Variants in PIGU observed in about 807,000 individuals in gnomAD.
The protein encoded by PIGU is phosphatidylinositol glycan anchor biosynthesis class U, also known as GPI-anchor transamidase component PIGU.
A neutral mutation model predicts 49.9 loss-of-function variants in PIGU; 24 were observed. That is an observed-to-expected ratio of 0.48 (90% CI 0.35 to 0.68). PIGU has a LOEUF of 0.68. Among genes scored for constraint, PIGU ranks in the 30% least tolerant of loss-of-function variants. The pLI is 0.01. For synonymous variants in PIGU, 220 were observed against 205.7 expected, an observed-to-expected ratio of 1.07 and a Z score of -0.59; for missense variants, 490 against 532.6, an observed-to-expected ratio of 0.92 and a Z score of 0.79.
chr20:34,668,483 A>AAACCG (rs1412365978), intron 1 of PIGU, among the ~76,000 whole-genome samples: 1 of 88,714 alleles, frequency 1.1e-5, no homozygotes. Flanking sequence ...AAAAAAAAAA[A>AAACCG]GGGGGGGGCG....
At chr20:34,658,721 C>T (rs1472876424) in intron 1 of PIGU, among the ~76,000 whole-genome samples, 7 of 151,710 alleles carry the variant, frequency 4.6e-5, no homozygotes, top group Middle Eastern at 6.9e-3. Context: ...GCCTGACAAC[C>T]GCCCCGTCTG....
intron 6 of PIGU, among the ~76,000 whole-genome samples, chr20:34,630,350 A>G (rs1226022332): frequency 3.3e-5 from 5 of 152,146 alleles, no homozygotes; most frequent in Admixed American, 3.3e-4. Context: ...GACTGAAACC[A>G]GCCACCTTCC....
chr20:34,639,964 G>A (rs1433902227), intron 4 of PIGU, among the ~76,000 whole-genome samples: 1 of 152,224 alleles, frequency 6.6e-6, no homozygotes, highest in Non-Finnish European at 1.5e-5. Context: ...CAGGAAGGAG[G>A]CCTCACTAGC....
At chr20:34,568,754 G>C (rs148705651) in intron 11 of PIGU, among the ~76,000 whole-genome samples, 1 of 152,160 alleles carries the variant, frequency 6.6e-6, no homozygotes, top group East Asian at 1.9e-4. Flanking sequence ...GTCAGACCTC[G>C]GGCTTCAGGC....
At chr20:34,630,839 C>T (rs1336372875) in intron 6 of PIGU, among the ~76,000 whole-genome samples, 1 of 151,878 alleles carries the variant, frequency 6.6e-6, no homozygotes. Flanking sequence ...GAGACGAGGT[C>T]TCACTATGTT....
intron 7 of PIGU, among the ~76,000 whole-genome samples, chr20:34,614,658 A>G (rs949814058): frequency 6.6e-5 from 10 of 151,940 alleles, no homozygotes; most frequent in African/African-American, 2.2e-4. Flanking sequence ...TACGTTATTT[A>G]TATTAGTGAC....
intron 11 of PIGU, among the ~76,000 whole-genome samples, chr20:34,572,637 G>A (rs1044731374): frequency 1.3e-5 from 2 of 152,170 alleles, no homozygotes; most frequent in Non-Finnish European, 2.9e-5. Flanking sequence ...CTGGGTGACA[G>A]AGTGAGACTC....
intron 1 of PIGU, among the ~76,000 whole-genome samples, chr20:34,668,485 G>GT (rs1383786806): frequency 5.1e-5 from 5 of 98,798 alleles, no homozygotes; most frequent in South Asian, 5.7e-4. Context: ...AAAAAAAAAG[G>GT]GGGGGGCGGG....
intron 6 of PIGU, among the ~76,000 whole-genome samples, chr20:34,625,421 TAA>T (rs1985440888): frequency 7.4e-6 from 1 of 134,814 alleles, no homozygotes; most frequent in African/African-American, 2.7e-5. Context: ...GAAAAGGAAA[TAA>T]AACTCACCCA....
chr20:34,657,081 T>C (rs1986726414), intron 2 of PIGU, 99 bp downstream of exon 2: 3 of 941,274 alleles, frequency 3.2e-6, no homozygotes, highest in African/African-American at 3.3e-5. Context: ...TCGTCAAGAA[T>C]ACATCTTTTT....
chr20:34,662,069 C>T lies in PIGU; in HGVS notation c.131-4825G>A, dbSNP rs1986943315. Among the ~76,000 whole-genome samples, 3 of 151,754 alleles carry T rather than the reference C, an allele frequency of 2.0e-5. No homozygotes were observed. The South Asian group carries it at 6.2e-4, about 32-fold the overall frequency. ...GAGATGTGTCTGTTCATGTCCTGTG[C>T]CCCCCCGCCAACTGTTTTTCCAAGA... On this transcript the variant is annotated intron_variant, in intron 1 of 11. Coordinates refer to ENST00000217446, the MANE Select transcript of PIGU (RefSeq NM_080476.5).
At chr20:34,583,438 A>G (rs936655784) in intron 9 of PIGU, among the ~76,000 whole-genome samples, 4 of 152,134 alleles carry the variant, frequency 2.6e-5, no homozygotes, top group Non-Finnish European at 4.4e-5. Context: ...GGGGCAGGAG[A>G]GCTTAGGTAG....
chr20:34,619,874 T>G (rs148478802), intron 6 of PIGU, among the ~76,000 whole-genome samples: 1 of 152,322 alleles, frequency 6.6e-6, no homozygotes, highest in Non-Finnish European at 1.5e-5. Flanking sequence ...TGTCAGTAAC[T>G]GGCATCAACA....
At chr20:34,630,785 T>G (rs8125577) in intron 6 of PIGU, among the ~76,000 whole-genome samples, 2,497 of 152,256 alleles carry the variant, frequency 0.016, 86 homozygotes, top group African/African-American at 0.058. Context: ...TAGCTGGGAC[T>G]ATAGGCAAGT....
At chr20:34,604,129 G>A (rs752734264) in intron 7 of PIGU, among the ~76,000 whole-genome samples, 1 of 152,104 alleles carries the variant, frequency 6.6e-6, no homozygotes, top group Non-Finnish European at 1.5e-5. Context: ...TGTGATCCAA[G>A]GGTTATGTGC....
Position 34,560,552 on chromosome 20 carries a change from A to T in PIGU, c.*314T>A. 1 of 323,654 alleles carries T rather than the reference A, an allele frequency of 3.1e-6. No individual in the cohort carries two copies. Among genetic ancestry groups the T allele is most frequent in the Non-Finnish European group, 5.6e-6 (1 of 177,254 alleles). The allele number at this position is 323,654 out of a possible 1,614,324, so 20.0% of individuals were successfully genotyped here. On this transcript the variant is annotated 3_prime_UTR_variant, in exon 12 of 12. Coordinates refer to ENST00000217446, the MANE Select transcript of PIGU (RefSeq NM_080476.5). ...GATGTGGTCTCAGGGTAGACTTCAT[A>T]ACAAAAAACATTTATTAAGTAGCCA...
intron 11 of PIGU, among the ~76,000 whole-genome samples, chr20:34,569,315 C>T (rs570258526): frequency 4.6e-5 from 7 of 152,242 alleles, no homozygotes; most frequent in Admixed American, 1.3e-4. Context: ...CTGCAACCTT[C>T]GCCTACCGGG....
chr20:34,614,029 C>T (rs1486790229), intron 7 of PIGU, among the ~76,000 whole-genome samples: 3 of 152,228 alleles, frequency 2.0e-5, no homozygotes, highest in African/African-American at 7.2e-5. Context: ...GGCACAGTGG[C>T]TCACACCTGT....
chr20:34,560,830 C>T lies in PIGU; in HGVS notation c.*36G>A, dbSNP rs1046893414. 6.9e-7 allele frequency: 1 copy of T among 1,449,870 alleles called. No homozygotes were observed. Among genetic ancestry groups the T allele is most frequent in the Non-Finnish European group, 9.4e-7 (1 of 1,065,362 alleles). 89.8% of individuals were successfully genotyped at this position (1,449,870 alleles called of 1,614,324 possible). On this transcript the variant is annotated 3_prime_UTR_variant, in exon 12 of 12. Transcript: ENST00000217446. ...CTTGGCCCAGCTTCTGGCCCCACAG[C>T]CCCCTGAGGTCCATGCAGCCCTGTG...
Sources: allele counts gnomAD v4.1 joint callset (sites outside exome capture counted in the v4.1 genomes callset), GRCh38; gene constraint gnomAD v4.1.1; transcripts MANE v1.5; gene names NCBI Gene and HGNC (gene_info 2026-07-23, HGNC 2026-07-21).